The following API5 variants were observed in gnomAD, a reference collection of about 807,000 sequenced individuals.
The protein encoded by API5 is apoptosis inhibitor 5.
API5 carries 6 observed loss-of-function variants against 71.9 expected under a neutral mutation model. The observed-to-expected ratio is 0.08, with a 90% CI of 0.05 to 0.16. API5 has a LOEUF of 0.16. Among genes scored for constraint, API5 ranks in the 10% least tolerant of loss-of-function variants. The pLI, the probability that API5 is intolerant of heterozygous loss-of-function variation, is 1.00. For synonymous variants in API5, 189 were observed against 221.3 expected (o/e 0.85, Z 1.30); for missense variants, 332 against 612.8 (o/e 0.54, Z 4.84).
At chr11:43,319,111 A>G in intron 2 of API5, 1 of 263,044 alleles carries the variant, frequency 3.8e-6, no homozygotes, top group Non-Finnish European at 7.1e-6. Flanking sequence ...ATGAAATTAG[A>G]CTGTTTTTAA....
chr11:43,327,803 G>A lies in API5; in HGVS notation c.870G>A (p.Leu290=). ...GTGTGTTTTAGGTATTGAAATTGTT[G>A]GCGGAGATGAGTTCATTTTGTGGTG... ...LDIQLEVLKL[L]AEMSSFCGDM... The change falls in exon 8 of 14, where the codon TTG becomes TTA. Residue 290 remains leucine (L), a synonymous_variant. Transcript: ENST00000531273. 1 of 1,611,046 alleles carries A rather than the reference G, an allele frequency of 6.2e-7. No individual in the cohort carries two copies. Among genetic ancestry groups the A allele is most frequent in the South Asian group, 1.1e-5 (1 of 90,566 alleles).
chr11:43,322,347 A>C (rs910663182), intron 5 of API5, among the ~76,000 whole-genome samples: 1 of 152,146 alleles, frequency 6.6e-6, no homozygotes, highest in African/African-American at 2.4e-5. Flanking sequence ...ATTTAAAGGA[A>C]TCTGATTACA....
chr11:43,319,544 A>T (rs1028684261), intron 2 of API5, among the ~76,000 whole-genome samples: 1 of 151,818 alleles, frequency 6.6e-6, no homozygotes, highest in African/African-American at 2.4e-5. Flanking sequence ...ATTTTTTTCC[A>T]CTTTAGCCTC....
intron 3 of API5, 46 bp from the exon 4 acceptor site, chr11:43,321,365 T>C: frequency 1.4e-6 from 2 of 1,476,504 alleles, no homozygotes; most frequent in Non-Finnish European, 1.9e-6. Flanking sequence ...GCAGATGATA[T>C]TTTAAATTTG....
At chr11:43,313,472 A>G (rs1381871938) in intron 1 of API5, among the ~76,000 whole-genome samples, 1 of 152,290 alleles carries the variant, frequency 6.6e-6, no homozygotes, top group South Asian at 2.1e-4. Flanking sequence ...TTTTCTGCTT[A>G]CGCATCCCTT....
At chr11:43,313,360 A>T in intron 1 of API5, among the ~76,000 whole-genome samples, 1 of 152,216 alleles carries the variant, frequency 6.6e-6, no homozygotes, top group Middle Eastern at 3.4e-3. Context: ...GTGGTTGGGT[A>T]TGTGTGTTCT....
rs777710071 is a variant in API5, at chr11:43,312,208, C to T, written c.69+12C>T. ...AGCAAGTGGGCCAGGTGAGTTGAGTCCCCGGGCGGCCTGCAGGGCCTGGCG... is the reference window on the plus strand; with the variant it reads ...AGCAAGTGGGCCAGGTGAGTTGAGTTCCCGGGCGGCCTGCAGGGCCTGGCG... On this transcript the variant is annotated intron_variant, in intron 1 of 13. Transcript: ENST00000531273. 4 of 1,612,628 alleles carry T rather than the reference C, an allele frequency of 2.5e-6. No individual in the cohort carries two copies. The highest frequency in any genetic ancestry group is 3.4e-6 in the Non-Finnish European group (4 of 1,179,036).
intron 8 of API5, 35 bp downstream of exon 8, chr11:43,327,913 GT>G: frequency 7.5e-7 from 1 of 1,327,984 alleles, no homozygotes; most frequent in Non-Finnish European, 1.1e-6. Flanking sequence ...GGGATAGTCA[GT>G]ATATAGCTCA....
chr11:43,328,025 G>C, intron 8 of API5, 147 bp downstream of exon 8: 1 of 481,802 alleles, frequency 2.1e-6, no homozygotes. Context: ...TAGGCCACAT[G>C]TTGTTGTCTA....
chr11:43,323,692 A>G (rs1325512987), intron 6 of API5, 56 bp downstream of exon 6: 1 of 1,511,738 alleles, frequency 6.6e-7, no homozygotes, highest in African/African-American at 1.4e-5. Flanking sequence ...TTCCATAAAT[A>G]CTCACTTTAA....
intron 5 of API5, among the ~76,000 whole-genome samples, chr11:43,322,932 T>A (rs1271413821): frequency 6.6e-6 from 1 of 152,210 alleles, no homozygotes; most frequent in African/African-American, 2.4e-5. Context: ...CCCACTGATA[T>A]GGAAGATTTA....
chr11:43,312,460 C>G (rs1046138766), intron 1 of API5, among the ~76,000 whole-genome samples: 3 of 136,154 alleles, frequency 2.2e-5, no homozygotes, highest in African/African-American at 8.4e-5. Context: ...TAACTCAGCC[C>G]GTTCAGGCTC....
chr11:43,316,344 T>C (rs1854668689), intron 1 of API5, among the ~76,000 whole-genome samples: 1 of 151,550 alleles, frequency 6.6e-6, no homozygotes, highest in South Asian at 2.1e-4. Flanking sequence ...GATTCCAGAT[T>C]TAATATTTTT....
chr11:43,337,414 AT>A (rs1391076502), intron 13 of API5, among the ~76,000 whole-genome samples: 2 of 152,222 alleles, frequency 1.3e-5, no homozygotes, highest in African/African-American at 4.8e-5. Context: ...AATTACTTCT[AT>A]AACAGTTGAA....
intron 12 of API5, 140 bp from the exon 13 acceptor site, chr11:43,335,718 A>G (rs5743255): frequency 0.091 from 89,859 of 982,430 alleles, 4,890 homozygotes; most frequent in Admixed American, 0.25. Flanking sequence ...ATTTGATGAC[A>G]TCAAATGTTA....
At chr11:43,323,772 G>A (rs368827333) in intron 6 of API5, 136 bp downstream of exon 6, 1 of 857,096 alleles carries the variant, frequency 1.2e-6, no homozygotes, top group Non-Finnish European at 1.8e-6. Context: ...AGTGTATTCA[G>A]ATTTTTGAAT....
At position 43,342,596 on chromosome 11, in the gene API5, A is replaced by C; in HGVS notation, c.*86A>C. ...ATTGGATTGCCGGGGATGTCCCTTT[A>C]AACAGACTGCTGCCTTCAGCTAAAA... On this transcript the variant is annotated 3_prime_UTR_variant, in exon 14 of 14. Transcript: ENST00000531273. 7.4e-7 allele frequency: 1 copy of C among 1,360,138 alleles called. No homozygotes were observed. The highest frequency in any genetic ancestry group is 1.2e-5 in the South Asian group (1 of 83,464). The allele number at this position is 1,360,138 out of a possible 1,614,324, so 84.3% of individuals were successfully genotyped here.
chr11:43,324,341 T>C (rs1219947669), intron 6 of API5, among the ~76,000 whole-genome samples: 1 of 152,144 alleles, frequency 6.6e-6, no homozygotes, highest in Non-Finnish European at 1.5e-5. Flanking sequence ...TAAGTCTTCC[T>C]AGAGACTTTT....
chr11:43,333,471 G>A (rs898462826), intron 11 of API5, among the ~76,000 whole-genome samples: 4 of 152,136 alleles, frequency 2.6e-5, no homozygotes, highest in African/African-American at 9.7e-5. Context: ...GGCATAAACT[G>A]AGGTGCTAAA....
Sources: allele counts gnomAD v4.1 joint callset (sites outside exome capture counted in the v4.1 genomes callset), GRCh38; gene constraint gnomAD v4.1.1; transcripts MANE v1.5; gene names NCBI Gene and HGNC (gene_info 2026-07-23, HGNC 2026-07-21).